ACCSL: variants seen among roughly 807,000 people sequenced by gnomAD.
ACCSL encodes the protein 1-aminocyclopropane-1-carboxylate synthase homolog (inactive) like, also known as probable inactive 1-aminocyclopropane-1-carboxylate synthase-like protein 2.
In ACCSL, 55 loss-of-function variants were observed where a neutral mutation model predicts 61.7. The observed-to-expected ratio is 0.89, with a 90% CI of 0.72 to 1.12. The LOEUF (loss-of-function observed/expected upper bound fraction) is 1.12, where lower values mean the gene tolerates loss of function less well. Among genes scored for constraint, ACCSL ranks in the 50% most tolerant of loss-of-function variants. The probability of loss-of-function intolerance (pLI) is 0.00; values close to 1 mark genes in which losing one functional copy is unlikely to be tolerated. For missense variants in ACCSL, 632 were observed against 698.0 expected (o/e 0.91, Z 1.07); for synonymous variants, 258 against 264.3 (o/e 0.98, Z 0.23).
At chr11:44,032,076 A>C in the ACCSL span, among the ~76,000 whole-genome samples, 1 of 152,298 alleles carries the variant, frequency 6.6e-6, no homozygotes, top group African/African-American at 2.4e-5. Flanking sequence ...CTGTCCTCAT[A>C]CTTAGCGGCT....
chr11:43,976,362 T>C, the ACCSL span, among the ~76,000 whole-genome samples: 1 of 152,204 alleles, frequency 6.6e-6, no homozygotes, highest in Admixed American at 6.5e-5. Flanking sequence ...CCTCTCACAG[T>C]GTGCCAGTGT....
At chr11:44,004,284 C>A in the ACCSL span, among the ~76,000 whole-genome samples, 2 of 152,116 alleles carry the variant, frequency 1.3e-5, no homozygotes, top group African/African-American at 4.8e-5. Context: ...GAGCTTGAGT[C>A]TGGGGAAGGA....
chr11:44,000,736 A>G, the ACCSL span, among the ~76,000 whole-genome samples: 5 of 151,888 alleles, frequency 3.3e-5, no homozygotes, highest in Admixed American at 2.0e-4. Context: ...AAAGAAAGAA[A>G]GAAAGAAAGA....
chr11:43,974,496 A>G, the ACCSL span, among the ~76,000 whole-genome samples: 5 of 152,296 alleles, frequency 3.3e-5, no homozygotes, highest in Middle Eastern at 3.4e-3. Flanking sequence ...TTATATTTTC[A>G]AAGACCCCTT....
At chr11:43,951,977 G>A in the ACCSL span, among the ~76,000 whole-genome samples, 11 of 151,936 alleles carry the variant, frequency 7.2e-5, no homozygotes, top group Non-Finnish European at 1.6e-4. Flanking sequence ...CTCCAGCCTG[G>A]GCAACAGGGT....
chr11:44,059,535 G>C (rs1952694413), intron 13 of ACCSL, among the ~76,000 whole-genome samples: 1 of 152,248 alleles, frequency 6.6e-6, no homozygotes, highest in Non-Finnish European at 1.5e-5. Context: ...ATAGAAGATA[G>C]GCTGAGTGAA....
At chr11:44,002,890 C>A in the ACCSL span, among the ~76,000 whole-genome samples, 1 of 152,060 alleles carries the variant, frequency 6.6e-6, no homozygotes, top group Non-Finnish European at 1.5e-5. Flanking sequence ...GGCTGCATGG[C>A]CTTGTCCAGG....
chr11:44,053,151 C>A, intron 7 of ACCSL, 83 bp downstream of exon 7: 2 of 1,265,186 alleles, frequency 1.6e-6, no homozygotes, highest in Non-Finnish European at 2.3e-6. Context: ...ACTGCTTATT[C>A]ACCAAGACCT....
chr11:44,052,927 A>G, intron 6 of ACCSL, 64 bp from the exon 7 acceptor site: 1 of 1,544,992 alleles, frequency 6.5e-7, no homozygotes, highest in Non-Finnish European at 8.9e-7. Flanking sequence ...TGCGGGGCTT[A>G]TGGGAATGAG....
chr11:44,050,541 T>C lies in ACCSL; in HGVS notation c.565-11T>C, dbSNP rs1393337872. 1 of 1,613,656 alleles carries C rather than the reference T, an allele frequency of 6.2e-7. No individual in the cohort carries two copies. The highest frequency in any genetic ancestry group is 1.7e-5 in the Admixed American group (1 of 59,934). On this transcript the variant is annotated splice_polypyrimidine_tract_variant and intron_variant, in intron 2 of 13. Transcript: ENST00000378832. Reference sequence around the variant, plus strand: ...CTGGCCTACCTGTCTTCATGTTCTATTTGTCAACAGTTGCAAGAAAGTGAC... The same window carrying C: ...CTGGCCTACCTGTCTTCATGTTCTACTTGTCAACAGTTGCAAGAAAGTGAC...
chr11:43,970,819 T>G, the ACCSL span, among the ~76,000 whole-genome samples: 6 of 152,212 alleles, frequency 3.9e-5, no homozygotes, highest in Non-Finnish European at 7.3e-5. Flanking sequence ...TGTCCTGGAC[T>G]CGGTCAGTGG....
At chr11:43,924,324 C>T in the ACCSL span, among the ~76,000 whole-genome samples, 974 of 152,374 alleles carry the variant, frequency 6.4e-3, 4 homozygotes, top group Non-Finnish European at 0.01. Flanking sequence ...TGGGACCTCC[C>T]GTCCCCCAGC....
the ACCSL span, among the ~76,000 whole-genome samples, chr11:43,981,218 T>C: frequency 6.6e-6 from 1 of 152,206 alleles, no homozygotes; most frequent in African/African-American, 2.4e-5. Context: ...CATGCCTCCA[T>C]GTAGCCTACA....
the ACCSL span, among the ~76,000 whole-genome samples, chr11:43,940,386 T>G: frequency 6.6e-6 from 1 of 151,626 alleles, no homozygotes; most frequent in Admixed American, 6.6e-5. Flanking sequence ...GACGGAGTCT[T>G]GCTCCATTGC....
At chr11:43,979,160 A>G in the ACCSL span, among the ~76,000 whole-genome samples, 2 of 152,086 alleles carry the variant, frequency 1.3e-5, no homozygotes, top group Non-Finnish European at 2.9e-5. Context: ...TGGGTAACAT[A>G]GCAAGACAAA....
At position 44,058,540 on chromosome 11, in the gene ACCSL, C is replaced by G. The variant is rs753315610; in HGVS notation, c.1471-6C>G. On this transcript the variant is annotated splice_polypyrimidine_tract_variant and splice_region_variant and intron_variant, in intron 12 of 13. Coordinates refer to ENST00000378832, the MANE Select transcript of ACCSL (RefSeq NM_001031854.2). ...GGGCTCAGTTCTGTTCCTCTGCCCT[C>G]CCTAGTACCTGGATCCCTGTACATT... 6 of 1,613,850 alleles carry G rather than the reference C, an allele frequency of 3.7e-6. No homozygotes were observed. The East Asian group carries it at 6.7e-5, about 18-fold the overall frequency.
chr11:44,024,808 A>G, the ACCSL span, among the ~76,000 whole-genome samples: 1 of 151,844 alleles, frequency 6.6e-6, no homozygotes, highest in African/African-American at 2.4e-5. Flanking sequence ...TTATTATTGA[A>G]TTGTCTATTT....
chr11:44,051,528 G>A (rs1242172094), intron 4 of ACCSL, 124 bp downstream of exon 4: 1 of 1,533,610 alleles, frequency 6.5e-7, no homozygotes, highest in African/African-American at 1.4e-5. Context: ...GCAGCATGAA[G>A]GCCAATGTGT....
chr11:44,023,947 T>G, the ACCSL span, among the ~76,000 whole-genome samples: 4 of 152,278 alleles, frequency 2.6e-5, no homozygotes, highest in South Asian at 8.3e-4. Flanking sequence ...CACATATGTG[T>G]GGATTTCCTG....
Sources: gnomAD v4.1 joint callset for allele counts (sites outside exome capture counted in the v4.1 genomes callset) on GRCh38, gnomAD v4.1.1 for gene constraint, MANE v1.5 for transcripts, NCBI Gene and HGNC (gene_info 2026-07-23, HGNC 2026-07-21) for gene names.